Variants in DOCK8 observed in about 807,000 individuals in gnomAD.
The protein encoded by DOCK8 is dedicator of cytokinesis 8, also known as dedicator of cytokinesis protein 8.
In DOCK8, 141 loss-of-function variants were observed where a neutral mutation model predicts 245.6. The observed-to-expected ratio is 0.57, with a 90% confidence interval of 0.50 to 0.66. DOCK8 has a LOEUF of 0.66. Among genes scored for constraint, DOCK8 ranks in the 30% least tolerant of loss-of-function variants. The pLI is 0.00. For missense variants in DOCK8, 2,965 were observed against 2,603.4 expected (o/e 1.14, Z -3.02); for synonymous variants, 1,168 against 970.2 (o/e 1.20, Z -3.79).
intron 26 of DOCK8, among the ~76,000 whole-genome samples, chr9:400,995 CCACCACCATTAG>C (rs2055053502): frequency 3.7e-5 from 2 of 54,632 alleles, no homozygotes; most frequent in Non-Finnish European, 2.9e-5. Context: ...TCCTCCACCA[CCACCACCATTAG>C]CTCCACCATG....
At position 372,239 on chromosome 9, in the gene DOCK8, G is replaced by T; in HGVS notation, c.2062G>T (p.Val688Phe). 6.2e-7 allele frequency: 1 copy of T among 1,614,082 alleles called. No individual in the cohort carries two copies. The highest frequency in any genetic ancestry group is 8.5e-7 in the Non-Finnish European group (1 of 1,180,012). ...TCAAACTGGATCCTACTGTCTCCCA[G>T]TTGCCTTGGAAAAATTGCCACCCAA... Reference protein sequence around the residue: ...RLQTGSYCLPVALEKLPPNYS... With the variant: ...RLQTGSYCLPFALEKLPPNYS... Residue 688 changes from valine to phenylalanine, a missense_variant, in exon 18 of 48, where the codon GTT (valine) becomes TTT (phenylalanine). Around this residue, in one of 3 missense-constraint regions of DOCK8, gnomAD observed 2,825 missense variants for 2,453.5 expected, o/e 1.15. Coordinates refer to ENST00000432829, the MANE Select transcript of DOCK8 (RefSeq NM_203447.4).
At chr9:425,495 G>C (rs1210211520) in intron 33 of DOCK8, among the ~76,000 whole-genome samples, 8 of 134,100 alleles carry the variant, frequency 6.0e-5, no homozygotes, top group East Asian at 4.1e-4. Context: ...TTGCGCCACT[G>C]CACTCTGCAC....
intron 13 of DOCK8, 66 bp from the exon 14 acceptor site, chr9:340,093 A>C (rs944227125): frequency 1.3e-6 from 2 of 1,562,230 alleles, no homozygotes; most frequent in African/African-American, 2.7e-5. Flanking sequence ...CAGTGCAACA[A>C]TCTTTCTTGA....
At chr9:379,721 C>G (rs769485926) in intron 20 of DOCK8, 50 bp from the exon 21 acceptor site, 11 of 1,604,666 alleles carry the variant, frequency 6.9e-6, no homozygotes. Flanking sequence ...CCACCTCAGG[C>G]TCCTTAAGGA....
chr9:406,918 A>G lies in DOCK8; in HGVS notation c.3391-12A>G, dbSNP rs1376625941. The G allele has an allele frequency of 1.2e-6, 2 of 1,613,918 alleles. No individual in the cohort carries two copies. Among genetic ancestry groups the G allele is most frequent in the Non-Finnish European group, 1.7e-6 (2 of 1,179,984 alleles). ...CTTGTGGCTCATAAAATGGCTCCTT[A>G]CGTTTCTGTAGAACTCAAGCTCCTG... On this transcript the variant is annotated splice_polypyrimidine_tract_variant and intron_variant, in intron 27 of 47. Coordinates refer to ENST00000432829, the MANE Select transcript of DOCK8 (RefSeq NM_203447.4).
intron 14 of DOCK8, among the ~76,000 whole-genome samples, chr9:345,328 G>C (rs2051827660): frequency 6.6e-6 from 1 of 152,158 alleles, no homozygotes; most frequent in Non-Finnish European, 1.5e-5. Context: ...ATAAAAAGTT[G>C]ATCTGCCTGG....
At chr9:384,713 G>A (rs553121926) in intron 22 of DOCK8, among the ~76,000 whole-genome samples, 81 of 152,172 alleles carry the variant, frequency 5.3e-4, no homozygotes, top group African/African-American at 1.8e-3. Context: ...TCAGGAGATC[G>A]AGACCATCCT....
chr9:244,675 T>C (rs929797892), intron 1 of DOCK8, among the ~76,000 whole-genome samples: 2 of 152,200 alleles, frequency 1.3e-5, no homozygotes, highest in Non-Finnish European at 2.9e-5. Context: ...AATAAATGAA[T>C]GTGGCCAAAC....
At chr9:319,250 T>A (rs1411416192) in intron 7 of DOCK8, among the ~76,000 whole-genome samples, 2 of 152,160 alleles carry the variant, frequency 1.3e-5, no homozygotes, top group East Asian at 3.8e-4. Context: ...GCCACTGTAT[T>A]CCAGCCTGAG....
At chr9:403,375 C>T (rs566524316) in intron 26 of DOCK8, among the ~76,000 whole-genome samples, 23 of 152,216 alleles carry the variant, frequency 1.5e-4, no homozygotes, top group African/African-American at 5.5e-4. Flanking sequence ...GCTGGTGGCT[C>T]CACTGGTCCA....
intron 1 of DOCK8, among the ~76,000 whole-genome samples, chr9:261,168 G>C (rs116959332): frequency 6.6e-6 from 1 of 151,758 alleles, no homozygotes; most frequent in Non-Finnish European, 1.5e-5. Context: ...GTAGGAGGGA[G>C]ACATTGTACA....
chr9:408,308 C>A (rs1221100987), intron 28 of DOCK8, among the ~76,000 whole-genome samples: 1 of 152,132 alleles, frequency 6.6e-6, no homozygotes, highest in Non-Finnish European at 1.5e-5. Flanking sequence ...AGGCTGACAC[C>A]GCTGAAGTGA....
intron 12 of DOCK8, among the ~76,000 whole-genome samples, chr9:337,254 T>C (rs1242667626): frequency 1.3e-5 from 2 of 152,180 alleles, no homozygotes; most frequent in Non-Finnish European, 2.9e-5. Flanking sequence ...CTCAATTTCA[T>C]TAGCCAGAAA....
At chr9:239,020 C>T (rs932559002) in intron 1 of DOCK8, among the ~76,000 whole-genome samples, 15 of 152,176 alleles carry the variant, frequency 9.9e-5, no homozygotes, top group African/African-American at 3.1e-4. Context: ...TCAAGGAAAC[C>T]GGAGTACCCT....
intron 25 of DOCK8, among the ~76,000 whole-genome samples, chr9:397,311 A>G (rs1017820629): frequency 1.3e-5 from 2 of 151,074 alleles, no homozygotes; most frequent in Admixed American, 6.6e-5. Context: ...AGATGGTGCC[A>G]CAGCACTCCA....
At chr9:215,179 TGCGGCGGTGGAGCCGCTGGACGC>T in intron 1 of DOCK8, 150 bp downstream of exon 1, 2 of 1,510,248 alleles carry the variant, frequency 1.3e-6, no homozygotes, top group Non-Finnish European at 1.8e-6. Flanking sequence ...TTCCCGAGGC[TGCGGCGGTGGAGCCGCTGGACGC>T]GCGGCGGCTC....
chr9:327,673 G>C (rs898066300), intron 8 of DOCK8, among the ~76,000 whole-genome samples: 1 of 152,096 alleles, frequency 6.6e-6, no homozygotes, highest in African/African-American at 2.4e-5. Context: ...CTGGGATTAC[G>C]AGTGTGAACC....
chr9:295,346 A>C (rs751157779), intron 4 of DOCK8, among the ~76,000 whole-genome samples: 2 of 152,172 alleles, frequency 1.3e-5, no homozygotes, highest in Non-Finnish European at 2.9e-5. Flanking sequence ...CTGGGACTGT[A>C]GTGCCCATGA....
intron 14 of DOCK8, chr9:365,603 G>C (rs749822530): frequency 2.2e-6 from 1 of 454,262 alleles, no homozygotes; most frequent in Non-Finnish European, 4.4e-6. Context: ...AAGTCTTCCA[G>C]GTTTCAGCTG....
Sources: allele counts gnomAD v4.1 joint callset (sites outside exome capture counted in the v4.1 genomes callset), GRCh38; gene constraint gnomAD v4.1.1; regional missense constraint gnomAD v4.1.1; transcripts MANE v1.5; gene names NCBI Gene and HGNC (gene_info 2026-07-23, HGNC 2026-07-21).